The following AKAP10 variants were observed in gnomAD, a reference collection of about 807,000 sequenced individuals.
The protein encoded by AKAP10 is A-kinase anchor protein 10, mitochondrial.
AKAP10 carries 24 observed loss-of-function variants against 80.8 expected under a neutral mutation model. The observed-to-expected ratio is 0.30, with a 90% CI of 0.22 to 0.42. The LOEUF (loss-of-function observed/expected upper bound fraction) is 0.42. Ranked by LOEUF, AKAP10 falls within the 10% of genes least tolerant of loss-of-function variation. The pLI is 1.00. For synonymous variants in AKAP10, 291 were observed against 277.7 expected, an observed-to-expected ratio of 1.05 and a Z score of -0.48; for missense variants, 661 against 794.9, an observed-to-expected ratio of 0.83 and a Z score of 2.03.
At position 19,977,671 on chromosome 17, in the gene AKAP10, T is replaced by TC; in HGVS notation, c.8dup (p.Ala4SerfsTer42). 1 of 1,234,968 alleles carries TC rather than the reference T, an allele frequency of 8.1e-7. No individual in the cohort carries two copies. Among genetic ancestry groups the TC allele is most frequent in the Non-Finnish European group, 1.0e-6 (1 of 987,500 alleles). 76.5% of individuals were successfully genotyped at this position (1,234,968 alleles called of 1,614,324 possible). On this transcript the variant is annotated frameshift_variant, in exon 1 of 15. Coordinates refer to ENST00000225737, the MANE Select transcript of AKAP10 (RefSeq NM_007202.4). LOFTEE classifies it high-confidence loss of function. ...GGGACTGGCGCGGGGAGGGCCCGGC[T>TC]CCCCTCATTCAGCAACCGGCCCGGA... is the stretch of plus-strand genomic sequence containing the variant.
intron 9 of AKAP10, among the ~76,000 whole-genome samples, chr17:19,932,918 G>A (rs868574529): frequency 4.2e-4 from 64 of 151,516 alleles, no homozygotes; most frequent in African/African-American, 1.6e-3. Flanking sequence ...CTAATTCTAC[G>A]AAGGAAAAGT....
At chr17:19,916,249 T>G (rs1017344812) in intron 12 of AKAP10, among the ~76,000 whole-genome samples, 7 of 152,198 alleles carry the variant, frequency 4.6e-5, no homozygotes, top group Admixed American at 4.6e-4. Context: ...CCCCCTACCC[T>G]GCTTTTCATG....
At chr17:19,940,289 C>T (rs1049963174) in intron 7 of AKAP10, among the ~76,000 whole-genome samples, 1 of 152,162 alleles carries the variant, frequency 6.6e-6, no homozygotes, top group Non-Finnish European at 1.5e-5. Context: ...CAACTGAGTA[C>T]CTGTATTCTT....
chr17:19,950,038 C>A (rs1181766188), intron 4 of AKAP10, among the ~76,000 whole-genome samples: 1 of 152,114 alleles, frequency 6.6e-6, no homozygotes, highest in Non-Finnish European at 1.5e-5. Flanking sequence ...CATGGTGGCT[C>A]ACGCCTGTAA....
chr17:19,949,046 T>A (rs1267775939), intron 4 of AKAP10, among the ~76,000 whole-genome samples: 1 of 152,060 alleles, frequency 6.6e-6, no homozygotes, highest in Non-Finnish European at 1.5e-5. Context: ...TTAATTGTCA[T>A]ATAAAGAACC....
chr17:19,947,373 T>A, intron 5 of AKAP10, 34 bp downstream of exon 5: 1 of 975,412 alleles, frequency 1.0e-6, no homozygotes, highest in Non-Finnish European at 1.4e-6. Context: ...TTTTTTGTCA[T>A]TTTTTTTTTG....
rs117207805 is a variant in AKAP10 at position 19,944,428 on chromosome 17, G to A, written c.977-2518C>T. Among the ~76,000 whole-genome samples the A allele has an allele frequency of 2.7e-3, 404 of 152,154 alleles. 15 individuals carry two copies. The East Asian group carries it at 0.074, about 28-fold the overall frequency. On this transcript the variant is annotated intron_variant, in intron 5 of 14. Coordinates refer to ENST00000225737, the MANE Select transcript of AKAP10 (RefSeq NM_007202.4). ...GCACTTTGGGAGGCCAAGGTGAGTA[G>A]ATCATGAGGTCAGGAGATGGAGACC...
intron 1 of AKAP10, among the ~76,000 whole-genome samples, chr17:19,969,923 C>T (rs909450992): frequency 3.9e-5 from 6 of 152,182 alleles, no homozygotes; most frequent in Admixed American, 2.6e-4. Context: ...CCATGGACTA[C>T]ATCACTCACT....
intron 2 of AKAP10, among the ~76,000 whole-genome samples, chr17:19,965,229 C>T (rs532486086): frequency 6.6e-6 from 1 of 152,354 alleles, no homozygotes; most frequent in East Asian, 1.9e-4. Context: ...ATCTTGGTCC[C>T]ATTCTTTTTC....
rs899117735 is a variant in AKAP10 at position 19,968,275 on chromosome 17, A to G, written c.136+139T>C. On this transcript the variant is annotated intron_variant, in intron 2 of 14. Coordinates refer to ENST00000225737, the MANE Select transcript of AKAP10 (RefSeq NM_007202.4). ...AGCATTATACAGGTTAAAGAGGGAA[A>G]TAAATCAAAATCATAAGTAATTATA... The G allele has an allele frequency of 9.4e-6, 6 of 638,850 alleles. No homozygotes were observed. In the South Asian group the frequency reaches 1.4e-4, roughly 15 times the overall value. The allele number at this position is 638,850 out of a possible 1,614,324, so 39.6% of individuals were successfully genotyped here. A position where few individuals can be genotyped will look rare whatever the true frequency, so the allele number is the denominator to read the frequency against.
At chr17:19,968,270 G>A (rs948419113) in intron 2 of AKAP10, 144 bp downstream of exon 2, 10 of 605,882 alleles carry the variant, frequency 1.7e-5, no homozygotes, top group Admixed American at 9.7e-5. Flanking sequence ...AGGTTAAAGA[G>A]GGAAATAAAT....
chr17:19,916,371 A>T (rs2042742067), intron 12 of AKAP10, among the ~76,000 whole-genome samples: 1 of 152,194 alleles, frequency 6.6e-6, no homozygotes, highest in African/African-American at 2.4e-5. Context: ...AGAACAATAG[A>T]TGCATACAGT....
At chr17:19,961,739 A>G (rs1271803798) in intron 3 of AKAP10, among the ~76,000 whole-genome samples, 1 of 152,192 alleles carries the variant, frequency 6.6e-6, no homozygotes, top group African/African-American at 2.4e-5. Context: ...AATATAACGG[A>G]TTTTACCATG....
At position 19,968,402 on chromosome 17, in the gene AKAP10, G is replaced by C; in HGVS notation, c.136+12C>G. 6.2e-7 allele frequency: 1 copy of C among 1,611,532 alleles called. No homozygotes were observed. Among genetic ancestry groups the C allele is most frequent in the Non-Finnish European group, 8.5e-7 (1 of 1,178,068 alleles). On this transcript the variant is annotated intron_variant, in intron 2 of 14. Transcript: ENST00000225737. Reference sequence around the variant, plus strand: ...CTTTTTAATGCAGTGGACTGCCAAGGGCAGAACTTACCTTTAATGGACTTC... The same window carrying C: ...CTTTTTAATGCAGTGGACTGCCAAGCGCAGAACTTACCTTTAATGGACTTC...
chr17:19,933,191 G>C (rs1020636294), intron 9 of AKAP10, among the ~76,000 whole-genome samples: 1 of 152,002 alleles, frequency 6.6e-6, no homozygotes, highest in Non-Finnish European at 1.5e-5. Context: ...GTTAATTTTT[G>C]TATTTTTAGT....
intron 11 of AKAP10, among the ~76,000 whole-genome samples, chr17:19,923,372 C>T (rs2042839448): frequency 6.6e-6 from 1 of 152,118 alleles, no homozygotes; most frequent in Admixed American, 6.6e-5. Context: ...GCCACCGTGC[C>T]CGGCCTTGTC....
intron 11 of AKAP10, among the ~76,000 whole-genome samples, chr17:19,922,004 A>T (rs1225628333): frequency 6.6e-6 from 1 of 152,230 alleles, no homozygotes; most frequent in Non-Finnish European, 1.5e-5. Context: ...CATAAAAATA[A>T]GCAAACAAAA....
intron 2 of AKAP10, among the ~76,000 whole-genome samples, chr17:19,966,724 T>TAAGCACAGAATTTTTTAGC (rs1185169618): frequency 3.3e-5 from 5 of 152,230 alleles, no homozygotes; most frequent in Non-Finnish European, 2.9e-5. Flanking sequence ...AAATGAAGAA[T>TAAGCACAGAATTTTTTAGC]CTGAAGAAAG....
At chr17:19,947,361 C>A in intron 5 of AKAP10, 46 bp downstream of exon 5, 5 of 1,421,104 alleles carry the variant, frequency 3.5e-6, no homozygotes, top group Non-Finnish European at 4.9e-6. Flanking sequence ...CAGTTCTGTG[C>A]ATTTTTTGTC....
Sources: gnomAD v4.1 joint callset for allele counts (sites outside exome capture counted in the v4.1 genomes callset) on GRCh38, gnomAD v4.1.1 for gene constraint, MANE v1.5 for transcripts, NCBI Gene and HGNC (gene_info 2026-07-23, HGNC 2026-07-21) for gene names.